FBXL13: variants seen among roughly 807,000 people sequenced by gnomAD.
FBXL13 encodes the protein F-box and leucine rich repeat protein 13, also known as F-box and leucine-rich repeat protein 13.
Under a neutral mutation model 83.6 loss-of-function variants are expected in FBXL13, and 67 were observed. That is an observed-to-expected ratio of 0.80 (90% CI 0.66 to 0.98). The LOEUF (loss-of-function observed/expected upper bound fraction) is 0.98, where lower values mean the gene tolerates loss of function less well. FBXL13 is among the 50% of genes least tolerant of loss of function. FBXL13 has a pLI of 0.00. For missense variants in FBXL13, 822 were observed against 866.5 expected, an observed-to-expected ratio of 0.95 and a Z score of 0.64; for synonymous variants, 272 against 299.5, an observed-to-expected ratio of 0.91 and a Z score of 0.95.
At chr7:102,862,329 A>G (rs1806986393) in intron 16 of FBXL13, among the ~76,000 whole-genome samples, 1 of 75,994 alleles carries the variant, frequency 1.3e-5, no homozygotes, top group Non-Finnish European at 2.5e-5. Flanking sequence ...AATCTGTCTC[A>G]AAAAAAAAAA....
At chr7:102,846,208 TATA>T (rs1562985215) in intron 17 of FBXL13, among the ~76,000 whole-genome samples, 1 of 152,194 alleles carries the variant, frequency 6.6e-6, no homozygotes, top group Non-Finnish European at 1.5e-5. Flanking sequence ...AAAAAAAAAT[TATA>T]ATGATTTCTG....
chr7:102,994,626 A>G (rs988231973), intron 6 of FBXL13, among the ~76,000 whole-genome samples: 6 of 152,340 alleles, frequency 3.9e-5, no homozygotes, highest in African/African-American at 1.4e-4. Context: ...AAGATACATT[A>G]AAGAAAAAAG....
intron 2 of FBXL13, among the ~76,000 whole-genome samples, chr7:103,038,902 G>C (rs1795364460): frequency 6.6e-6 from 1 of 152,144 alleles, no homozygotes; most frequent in African/African-American, 2.4e-5. Flanking sequence ...AAAAGACACA[G>C]GGCCTATTCT....
chr7:102,890,123 C>T (rs1359939760), intron 11 of FBXL13, among the ~76,000 whole-genome samples: 1 of 152,182 alleles, frequency 6.6e-6, no homozygotes, highest in East Asian at 1.9e-4. Context: ...TTTTATGACT[C>T]ACATATTCCT....
At chr7:102,935,949 TA>T (rs1295464992) in intron 8 of FBXL13, among the ~76,000 whole-genome samples, 2 of 152,132 alleles carry the variant, frequency 1.3e-5, no homozygotes, top group Non-Finnish European at 2.9e-5. Flanking sequence ...AGGAATTTAT[TA>T]ATGTTGTCAG....
Position 102,993,871 on chromosome 7 carries a change from A to G in FBXL13, c.496-25754T>C, listed in dbSNP as rs182924838. Among the ~76,000 whole-genome samples, 232 of 152,360 alleles carry G rather than the reference A, an allele frequency of 1.5e-3. 2 individuals are homozygous for G. The highest frequency in any genetic ancestry group is 6.8e-3 in the Middle Eastern group (2 of 294). On this transcript the variant is annotated intron_variant, in intron 6 of 19. Coordinates refer to ENST00000313221, the Ensembl canonical transcript of FBXL13. ...GAAAGTTCAAATTGTATCCCAATCCAAATTGCTGGTTTCAATTATTCCTTC... is the reference window on the plus strand; with the variant it reads ...GAAAGTTCAAATTGTATCCCAATCCGAATTGCTGGTTTCAATTATTCCTTC...
intron 11 of FBXL13, 166 bp downstream of exon 12, chr7:102,912,920 A>G: frequency 2.4e-6 from 2 of 843,416 alleles, no homozygotes; most frequent in Non-Finnish European, 3.5e-6. Flanking sequence ...AGCCTATAAT[A>G]GCGATCCTGG....
intron 1 of FBXL13, among the ~76,000 whole-genome samples, chr7:103,062,599 TAA>T (rs1158700649): frequency 7.0e-6 from 1 of 142,182 alleles, no homozygotes; most frequent in Non-Finnish European, 1.5e-5. Flanking sequence ...TCAGGTGACT[TAA>T]AAAAAAAAAA....
At chr7:102,847,518 T>C (rs940445126) in intron 17 of FBXL13, among the ~76,000 whole-genome samples, 4 of 151,688 alleles carry the variant, frequency 2.6e-5, no homozygotes, top group African/African-American at 7.3e-5. Flanking sequence ...TAACACTCAA[T>C]TTTTTTTTCT....
chr7:102,871,865 T>C (rs1808577561), intron 16 of FBXL13, among the ~76,000 whole-genome samples: 1 of 152,116 alleles, frequency 6.6e-6, no homozygotes, highest in Non-Finnish European at 1.5e-5. Context: ...TCTGACCTAG[T>C]TCAAGAACTC....
At chr7:102,956,042 C>A (rs1306242462) in intron 8 of FBXL13, among the ~76,000 whole-genome samples, 8 of 152,104 alleles carry the variant, frequency 5.3e-5, no homozygotes, top group Non-Finnish European at 1.2e-4. Flanking sequence ...ATGAGGCCAA[C>A]ATCATCCTGA....
At chr7:102,931,582 A>C (rs1819182295) in intron 9 of FBXL13, among the ~76,000 whole-genome samples, 1 of 152,170 alleles carries the variant, frequency 6.6e-6, no homozygotes, top group African/African-American at 2.4e-5. Flanking sequence ...TATCATGTCT[A>C]CTGGGGCCCA....
chr7:102,875,612 T>G (rs1447760603), intron 16 of FBXL13, among the ~76,000 whole-genome samples: 2 of 152,096 alleles, frequency 1.3e-5, no homozygotes, highest in Non-Finnish European at 2.9e-5. Context: ...ATTGTATCAG[T>G]TAAGAGTCAA....
At chr7:103,001,486 C>A (rs930130166) in intron 6 of FBXL13, among the ~76,000 whole-genome samples, 1 of 152,132 alleles carries the variant, frequency 6.6e-6, no homozygotes, top group Non-Finnish European at 1.5e-5. Context: ...GCCTAGACGA[C>A]TGGTAAAGTA....
Position 102,945,338 on chromosome 7 carries a change from G to GTTTGTT in FBXL13, c.725-13411_725-13406dup, listed in dbSNP as rs989359224. Among the ~76,000 whole-genome samples, 4 of 152,210 alleles carry GTTTGTT rather than the reference G, an allele frequency of 2.6e-5. No homozygotes were observed. In the East Asian group the frequency reaches 7.7e-4, roughly 29 times the overall value. ...GAATATGGAGACACCATTTTTGTTTGTTTGTTTTTGTTTTTGTTTTGAGCA... is the reference window on the plus strand; with the variant it reads ...GAATATGGAGACACCATTTTTGTTTGTTTGTTTTTGTTTTTGTTTTTGTTTTGAGCA... On this transcript the variant is annotated intron_variant, in intron 8 of 19. Transcript: ENST00000313221.
intron 17 of FBXL13, among the ~76,000 whole-genome samples, chr7:102,846,767 C>T (rs967340301): frequency 1.2e-3 from 3 of 2,554 alleles, no homozygotes; most frequent in Non-Finnish European, 2.5e-3. Flanking sequence ...TGGACATGAC[C>T]AAAGTGCCTG....
chr7:102,832,765 C>T, intron 18 of FBXL13, 75 bp downstream of exon 19: 1 of 1,571,104 alleles, frequency 6.4e-7, no homozygotes, highest in Non-Finnish European at 8.7e-7. Flanking sequence ...CTGAGTCCAG[C>T]CCTGATCGCT....
chr7:102,953,492 G>A (rs1823753168), intron 8 of FBXL13, among the ~76,000 whole-genome samples: 1 of 152,080 alleles, frequency 6.6e-6, no homozygotes, highest in African/African-American at 2.4e-5. Context: ...CAGTGAAGTA[G>A]GAATATATGG....
At chr7:102,944,632 T>G (rs1252936369) in intron 8 of FBXL13, 3 of 1,552,406 alleles carry the variant, frequency 1.9e-6, no homozygotes, top group Non-Finnish European at 2.6e-6. Context: ...TGATTGTAAT[T>G]AGTTTTGTAT....
Sources: gnomAD v4.1 joint callset for allele counts (sites outside exome capture counted in the v4.1 genomes callset) on GRCh38, gnomAD v4.1.1 for gene constraint, MANE v1.5 for transcripts, NCBI Gene and HGNC (gene_info 2026-07-23, HGNC 2026-07-21) for gene names.